CACNA2D3: variants seen among roughly 807,000 people sequenced by gnomAD.
The protein encoded by CACNA2D3 is calcium voltage-gated channel auxiliary subunit alpha2delta 3, also known as voltage-dependent calcium channel subunit alpha-2/delta-3.
A neutral mutation model predicts 160.6 loss-of-function variants in CACNA2D3; 60 were observed. The observed-to-expected ratio is 0.37, with a 90% CI of 0.30 to 0.46. CACNA2D3 has a LOEUF of 0.46. Among genes scored for constraint, CACNA2D3 ranks in the 20% least tolerant of loss-of-function variants. The pLI is 1.00. For missense variants in CACNA2D3, 1,205 were observed against 1,365.0 expected, an observed-to-expected ratio of 0.88 and a Z score of 1.85; for synonymous variants, 558 against 492.9, an observed-to-expected ratio of 1.13 and a Z score of -1.75.
intron 2 of CACNA2D3, among the ~76,000 whole-genome samples, chr3:54,194,357 G>A (rs1701035478): frequency 6.6e-6 from 1 of 152,088 alleles, no homozygotes; most frequent in Admixed American, 6.5e-5. Context: ...TAAATATGAC[G>A]TGTCGATTAA....
chr3:55,000,518 A>G (rs1702958997), intron 31 of CACNA2D3, among the ~76,000 whole-genome samples: 2 of 152,242 alleles, frequency 1.3e-5, no homozygotes, highest in African/African-American at 2.4e-5. Context: ...ATGTATTCCT[A>G]TGGAACAAAC....
At position 54,740,581 on chromosome 3, in the gene CACNA2D3, C is replaced by T. The variant is rs75538342; in HGVS notation, c.1168-12018C>T. On this transcript the variant is annotated intron_variant, in intron 11 of 37. Coordinates refer to ENST00000474759, the MANE Select transcript of CACNA2D3 (RefSeq NM_018398.3). The stretch of plus-strand genomic sequence containing the variant: ...ACAAGTCATTCTGATCTGTCCTTCC[C>T]CCTTCCACAAAGAGCTATGTCCCTA... Among the ~76,000 whole-genome samples, 18 of 152,256 alleles carry T rather than the reference C, an allele frequency of 1.2e-4. No homozygotes were observed. The East Asian group carries it at 2.3e-3, about 20-fold the overall frequency.
chr3:54,205,725 C>A (rs1217005386), intron 2 of CACNA2D3, among the ~76,000 whole-genome samples: 1 of 152,030 alleles, frequency 6.6e-6, no homozygotes, highest in Non-Finnish European at 1.5e-5. Flanking sequence ...GAAAGTAGTC[C>A]CTCTGGGGCT....
chr3:55,005,651 T>C (rs1161075981), intron 32 of CACNA2D3, among the ~76,000 whole-genome samples: 1 of 152,182 alleles, frequency 6.6e-6, no homozygotes, highest in East Asian at 1.9e-4. Context: ...TATTGTACCA[T>C]TAGAAACTGG....
At chr3:54,952,418 T>G (rs913454214) in intron 27 of CACNA2D3, among the ~76,000 whole-genome samples, 18 of 152,148 alleles carry the variant, frequency 1.2e-4, no homozygotes, top group African/African-American at 3.9e-4. Flanking sequence ...CATGAGCATC[T>G]TAGGAGCTCT....
intron 34 of CACNA2D3, among the ~76,000 whole-genome samples, chr3:55,011,920 TG>T (rs1238103649): frequency 5.1e-5 from 5 of 97,548 alleles, no homozygotes; most frequent in East Asian, 2.3e-4. Context: ...CTAATAGGAG[TG>T]AAAAAAAATG....
chr3:54,238,248 G>A (rs1281478623), intron 2 of CACNA2D3, among the ~76,000 whole-genome samples: 1 of 152,190 alleles, frequency 6.6e-6, no homozygotes, highest in Non-Finnish European at 1.5e-5. Flanking sequence ...CTGAGCCTCT[G>A]TGGAACCTTG....
chr3:54,368,126 C>CT (rs757235720), intron 3 of CACNA2D3, among the ~76,000 whole-genome samples: 13 of 152,058 alleles, frequency 8.5e-5, no homozygotes, highest in Non-Finnish European at 1.6e-4. Context: ...CTTGTTTTGA[C>CT]TTATTTTTTA....
chr3:54,966,661 A>G (rs1702158344), intron 27 of CACNA2D3, among the ~76,000 whole-genome samples: 1 of 152,136 alleles, frequency 6.6e-6, no homozygotes, highest in South Asian at 2.1e-4. Flanking sequence ...TCTACAGAAA[A>G]TACAAAAATT....
intron 8 of CACNA2D3, 25 bp from the exon 9 acceptor site, chr3:54,581,778 C>T (rs1702681993): frequency 6.3e-7 from 1 of 1,588,496 alleles, no homozygotes. Context: ...ATTAAGTGTT[C>T]CTTCTTGACT....
chr3:54,197,097 T>TC (rs1364558048), intron 2 of CACNA2D3, among the ~76,000 whole-genome samples: 1 of 152,190 alleles, frequency 6.6e-6, no homozygotes, highest in Non-Finnish European at 1.5e-5. Context: ...AGATTGCATC[T>TC]CTGTTTGTTG....
chr3:54,975,162 G>A (rs186654028), intron 29 of CACNA2D3, among the ~76,000 whole-genome samples: 2 of 152,212 alleles, frequency 1.3e-5, no homozygotes, highest in East Asian at 1.9e-4. Flanking sequence ...TGTTTAGAAA[G>A]TCATCTTGTC....
chr3:54,832,148 C>T (rs1575501447), intron 14 of CACNA2D3, among the ~76,000 whole-genome samples: 1 of 151,918 alleles, frequency 6.6e-6, no homozygotes, highest in East Asian at 1.9e-4. Flanking sequence ...ATTCTTATAG[C>T]CATTCACAAA....
At chr3:54,469,129 T>G (rs1700684074) in intron 4 of CACNA2D3, among the ~76,000 whole-genome samples, 1 of 152,168 alleles carries the variant, frequency 6.6e-6, no homozygotes, top group African/African-American at 2.4e-5. Context: ...TCCCCCTGAT[T>G]GGGAGACACC....
In CACNA2D3 at chr3:54,122,848, TCCTGCGCCGCCCGGGGAGGGGA is replaced by T; in HGVS notation, c.122+17_122+38del. 8.2e-7 allele frequency: 1 copy of T among 1,226,834 alleles called. No homozygotes were observed. Among genetic ancestry groups the T allele is most frequent in the Non-Finnish European group, 1.0e-6 (1 of 979,576 alleles). The allele number at this position is 1,226,834 out of a possible 1,614,324, so 76.0% of individuals were successfully genotyped here. ...TACCGCTCTCCGTGTAAGTGCCGGC[TCCTGCGCCGCCCGGGGAGGGGA>T]CCTTGCCGCCTGCGACCCACTGTGC... is the stretch of plus-strand genomic sequence containing the variant. On this transcript the variant is annotated intron_variant, in intron 1 of 37. Coordinates refer to ENST00000474759, the MANE Select transcript of CACNA2D3 (RefSeq NM_018398.3).
chr3:55,069,649 T>G (rs963347726), intron 35 of CACNA2D3, among the ~76,000 whole-genome samples: 1 of 152,232 alleles, frequency 6.6e-6, no homozygotes, highest in African/African-American at 2.4e-5. Context: ...GTGGGTTTTC[T>G]ATGAACACAG....
At chr3:54,255,749 T>C (rs557308543) in intron 2 of CACNA2D3, among the ~76,000 whole-genome samples, 84 of 152,200 alleles carry the variant, frequency 5.5e-4, no homozygotes, top group Non-Finnish European at 9.7e-4. Context: ...CCTTTGCTTA[T>C]GTTGTTTACT....
At chr3:54,572,828 A>G (rs570407465) in intron 8 of CACNA2D3, among the ~76,000 whole-genome samples, 2 of 152,326 alleles carry the variant, frequency 1.3e-5, no homozygotes, top group East Asian at 1.9e-4. Context: ...TTAATTACTC[A>G]TTACAGAAGT....
intron 23 of CACNA2D3, 102 bp from the exon 24 acceptor site, chr3:54,887,857 T>G: frequency 1.6e-5 from 14 of 849,316 alleles, no homozygotes; most frequent in Non-Finnish European, 2.2e-5. Flanking sequence ...ACATGCCGCA[T>G]GAGAAAGTAG....
Sources: gnomAD v4.1 joint callset for allele counts (sites outside exome capture counted in the v4.1 genomes callset) on GRCh38, gnomAD v4.1.1 for gene constraint, MANE v1.5 for transcripts, NCBI Gene and HGNC (gene_info 2026-07-23, HGNC 2026-07-21) for gene names.